XPR1: variants seen among roughly 807,000 people sequenced by gnomAD.
XPR1 encodes the protein xenotropic and polytropic retrovirus receptor 1.
Under a neutral mutation model 87.5 loss-of-function variants are expected in XPR1, and 28 were observed. That is an observed-to-expected ratio of 0.32 (90% CI 0.24 to 0.44). The LOEUF is 0.44. Among genes scored for constraint, XPR1 ranks in the 20% least tolerant of loss-of-function variants. The probability of loss-of-function intolerance (pLI) is 1.00; values close to 1 mark genes in which losing one functional copy is unlikely to be tolerated. For missense variants in XPR1, 559 were observed against 862.3 expected (o/e 0.65, Z 4.41); for synonymous variants, 300 against 306.1 (o/e 0.98, Z 0.21).
At position 180,632,164 on chromosome 1, in the gene XPR1, C is replaced by T; in HGVS notation, c.-38C>T. 1 of 1,588,438 alleles carries T rather than the reference C, an allele frequency of 6.3e-7. No individual in the cohort carries two copies. The highest frequency in any genetic ancestry group is 8.6e-7 in the Non-Finnish European group (1 of 1,168,036). On this transcript the variant is annotated 5_prime_UTR_variant, in exon 1 of 15. Transcript: ENST00000367590. ...TCGCTGTTGCCGCCGCCGCCTGTAG[C>T]TGCTGGACCCGAGTGGGAGTGAGGG...
At chr1:180,801,328 G>C (rs1409508175) in intron 3 of XPR1, among the ~76,000 whole-genome samples, 1 of 152,182 alleles carries the variant, frequency 6.6e-6, no homozygotes, top group African/African-American at 2.4e-5. Context: ...CCCCTCAGGG[G>C]GATGTGATTG....
At chr1:180,853,173 C>T (rs1224567738) in intron 11 of XPR1, among the ~76,000 whole-genome samples, 1 of 152,084 alleles carries the variant, frequency 6.6e-6, no homozygotes, top group Non-Finnish European at 1.5e-5. Flanking sequence ...AGTTTTCCAC[C>T]CGCCTCGGCC....
chr1:180,656,051 T>C (rs1655455850), intron 1 of XPR1, among the ~76,000 whole-genome samples: 1 of 151,846 alleles, frequency 6.6e-6, no homozygotes, highest in African/African-American at 2.4e-5. Context: ...CTAGATCTTA[T>C]TCAGTTTTTA....
intron 1 of XPR1, among the ~76,000 whole-genome samples, chr1:180,659,148 C>G (rs1311025879): frequency 8.3e-6 from 1 of 119,944 alleles, no homozygotes; most frequent in Non-Finnish European, 1.7e-5. Context: ...CCTTTCCTTC[C>G]TTCTTTCCCA....
intron 1 of XPR1, among the ~76,000 whole-genome samples, chr1:180,670,109 C>A (rs145784973): frequency 9.7e-4 from 147 of 152,158 alleles, no homozygotes; most frequent in African/African-American, 2.9e-3. Flanking sequence ...CTTTCACTTT[C>A]AATTTGTTTG....
chr1:180,649,519 T>C (rs1193940119), intron 1 of XPR1, among the ~76,000 whole-genome samples: 1 of 152,210 alleles, frequency 6.6e-6, no homozygotes, highest in Non-Finnish European at 1.5e-5. Context: ...GAATGATATA[T>C]GCAAATGCTC....
At chr1:180,816,523 G>GAGAACACTTA (rs1469968305) in intron 7 of XPR1, among the ~76,000 whole-genome samples, 2 of 152,180 alleles carry the variant, frequency 1.3e-5, no homozygotes, top group African/African-American at 4.8e-5. Flanking sequence ...AGACATGTAT[G>GAGAACACTTA]AGAACACTTA....
chr1:180,838,176 T>C (rs935840999), intron 11 of XPR1, among the ~76,000 whole-genome samples: 22 of 152,206 alleles, frequency 1.4e-4, no homozygotes, highest in Non-Finnish European at 2.8e-4. Context: ...TGTACTCTTA[T>C]AATCAAGTAA....
At chr1:180,852,394 A>G (rs1469231386) in intron 11 of XPR1, among the ~76,000 whole-genome samples, 1 of 152,066 alleles carries the variant, frequency 6.6e-6, no homozygotes, top group Non-Finnish European at 1.5e-5. Flanking sequence ...TTCCATCACC[A>G]CAAGGATCCC....
At chr1:180,801,527 A>G (rs1359942722) in intron 3 of XPR1, among the ~76,000 whole-genome samples, 1 of 152,216 alleles carries the variant, frequency 6.6e-6, no homozygotes, top group African/African-American at 2.4e-5. Context: ...AATGAAGGTC[A>G]TGTAAAGGAT....
At chr1:180,814,030 A>T (rs1395062433) in intron 7 of XPR1, among the ~76,000 whole-genome samples, 1 of 152,152 alleles carries the variant, frequency 6.6e-6, no homozygotes, top group African/African-American at 2.4e-5. Context: ...GGGACTATGT[A>T]TTGTTGCATT....
At chr1:180,802,633 T>C (rs1649831065) in intron 3 of XPR1, among the ~76,000 whole-genome samples, 1 of 152,210 alleles carries the variant, frequency 6.6e-6, no homozygotes, top group East Asian at 1.9e-4. Context: ...TTCTGGAACA[T>C]TTTCATCATC....
chr1:180,641,751 A>G (rs1224754400), intron 1 of XPR1, among the ~76,000 whole-genome samples: 1 of 152,164 alleles, frequency 6.6e-6, no homozygotes, highest in African/African-American at 2.4e-5. Context: ...CCTCTGTTTT[A>G]CAAATGAATA....
At chr1:180,874,086 T>A in intron 13 of XPR1, 144 bp downstream of exon 13, 2 of 1,023,360 alleles carry the variant, frequency 2.0e-6, no homozygotes, top group Non-Finnish European at 2.7e-6. Context: ...GCCTTAGAAT[T>A]GGAAAACCAT....
chr1:180,728,548 G>C (rs1658439934), intron 2 of XPR1, among the ~76,000 whole-genome samples: 1 of 152,154 alleles, frequency 6.6e-6, no homozygotes, highest in African/African-American at 2.4e-5. Flanking sequence ...ATTCTCAGGT[G>C]GTTCCTAAGA....
intron 13 of XPR1, 106 bp from the exon 14 acceptor site, chr1:180,879,969 CT>C: frequency 8.4e-7 from 1 of 1,196,848 alleles, no homozygotes; most frequent in Admixed American, 2.0e-5. Context: ...GCCCTTAATT[CT>C]TTGTTTTTGT....
At position 180,861,448 on chromosome 1, in the gene XPR1, A is replaced by G. The variant is rs191851957; in HGVS notation, c.1502-2260A>G. ...GAATGACACTTCTCAGCTAGACCCTATATCTGCACATAGAATGAAATAAAT... is the reference window on the plus strand; with the variant it reads ...GAATGACACTTCTCAGCTAGACCCTGTATCTGCACATAGAATGAAATAAAT... On this transcript the variant is annotated intron_variant, in intron 11 of 14. Transcript: ENST00000367590. Among the ~76,000 whole-genome samples the G allele has an allele frequency of 1.2e-4, 19 of 152,180 alleles. No homozygotes were observed. The East Asian group carries it at 3.7e-3, about 29-fold the overall frequency.
rs377107490 is a variant in XPR1, at chr1:180,776,975, C to T, written c.122-10778C>T. ...AAATCTTGTGTAGGGACTACTTAAG[C>T]CTAGTTATATTCAGAATCATTTTGC... is the stretch of plus-strand genomic sequence containing the variant. On this transcript the variant is annotated intron_variant, in intron 2 of 14. Coordinates refer to ENST00000367590, the MANE Select transcript of XPR1 (RefSeq NM_004736.4). 1.4e-4 allele frequency among the ~76,000 whole-genome samples: 21 copies of T among 152,090 alleles called. No homozygotes were observed. In the East Asian group the frequency reaches 3.7e-3, roughly 27 times the overall value.
intron 1 of XPR1, among the ~76,000 whole-genome samples, chr1:180,635,575 A>G (rs761600648): frequency 1.3e-5 from 2 of 152,176 alleles, no homozygotes; most frequent in Non-Finnish European, 2.9e-5. Flanking sequence ...TTGTAATAAA[A>G]TAACAAGGTT....
Sources: allele counts gnomAD v4.1 joint callset (sites outside exome capture counted in the v4.1 genomes callset), GRCh38; gene constraint gnomAD v4.1.1; transcripts MANE v1.5; gene names NCBI Gene and HGNC (gene_info 2026-07-23, HGNC 2026-07-21).